NGEF: variants seen among roughly 807,000 people sequenced by gnomAD.
NGEF encodes neuronal guanine nucleotide exchange factor, also known as ephexin-1.
A neutral mutation model predicts 80.9 loss-of-function variants in NGEF; 31 were observed. The ratio of observed to expected loss-of-function variants is 0.38; its 90% CI spans 0.29 to 0.52. The LOEUF (loss-of-function observed/expected upper bound fraction) is 0.52. NGEF is among the 20% of genes least tolerant of loss of function. NGEF has a pLI of 0.84. For synonymous variants in NGEF, 371 were observed against 370.2 expected, an observed-to-expected ratio of 1.00 and a Z score of -0.03; for missense variants, 709 against 926.2, an observed-to-expected ratio of 0.77 and a Z score of 3.04.
At chr2:232,955,932 C>T (rs1693817288) in intron 3 of NGEF, among the ~76,000 whole-genome samples, 1 of 152,172 alleles carries the variant, frequency 6.6e-6, no homozygotes, top group African/African-American at 2.4e-5. Context: ...GAAGGGTTTG[C>T]ATCTTGGGCT....
Position 232,920,264 on chromosome 2 carries a change from C to T in NGEF, c.828+20G>A, listed in dbSNP as rs758640757. The T allele has an allele frequency of 1.6e-5, 26 of 1,600,234 alleles. No homozygotes were observed. The highest frequency in any genetic ancestry group is 2.2e-4 in the Middle Eastern group (1 of 4,632). On this transcript the variant is annotated intron_variant, in intron 5 of 14. Coordinates refer to ENST00000264051, the MANE Select transcript of NGEF (RefSeq NM_019850.3). ...CCCCGGTGTGCTGTGGGGGAGCCCC[C>T]GCCCCTCGGCGCCTGTTACCTCCTG... is the stretch of plus-strand genomic sequence containing the variant.
In NGEF at chr2:232,968,093, C is replaced by CTTTTTTTTTTTTTTTTTTTTTTTTTT. The variant is rs1274944227; in HGVS notation, c.383+2120_383+2121insAAAAAAAAAAAAAAAAAAAAAAAAAA. ...TTGCTGAGGGCAGAAACAGACCTGG[C>CTTTTTTTTTTTTTTTTTTTTTTTTTT]TTTTTTTTTTTTGAGACAAAGTTTC... On this transcript the variant is annotated intron_variant, in intron 3 of 14. Transcript: ENST00000264051. Among the ~76,000 whole-genome samples the CTTTTTTTTTTTTTTTTTTTTTTTTTT allele has an allele frequency of 2.4e-5, 3 of 125,782 alleles. 1 individual carries two copies. Among genetic ancestry groups the CTTTTTTTTTTTTTTTTTTTTTTTTTT allele is most frequent in the African/African-American group, 1.0e-4 (3 of 29,632 alleles). 82.5% of individuals were successfully genotyped at this position (125,782 alleles called of 152,430 possible).
Position 233,000,755 on chromosome 2 carries a change from G to A in NGEF, c.-75+12313C>T, listed in dbSNP as rs564796176. Among the ~76,000 whole-genome samples the A allele has an allele frequency of 1.4e-4, 18 of 124,466 alleles. No homozygotes were observed. The East Asian group carries it at 2.3e-3, about 16-fold the overall frequency. The allele number at this position is 124,466 out of a possible 152,430, so 81.7% of individuals were successfully genotyped here. A position where few individuals can be genotyped will look rare whatever the true frequency, so the allele number is the denominator to read the frequency against. On this transcript the variant is annotated intron_variant, in intron 1 of 14. Transcript: ENST00000264051. ...AGCTCGGGCGACAGAGCGAGACTCTGTCTCAAAAAAAAAAAAAAACGAAAA... is the reference window on the plus strand; with the variant it reads ...AGCTCGGGCGACAGAGCGAGACTCTATCTCAAAAAAAAAAAAAAACGAAAA...
intron 1 of NGEF, among the ~76,000 whole-genome samples, chr2:233,005,355 C>T (rs1037587234): frequency 1.3e-5 from 2 of 152,270 alleles, no homozygotes; most frequent in Middle Eastern, 6.8e-3. Flanking sequence ...AAACACAGGC[C>T]CTGAGCACCA....
At chr2:232,949,547 GGCTCACTGCAACGTCC>G (rs1693633448) in intron 3 of NGEF, among the ~76,000 whole-genome samples, 1 of 150,530 alleles carries the variant, frequency 6.6e-6, no homozygotes, top group South Asian at 2.1e-4. Flanking sequence ...GCGCGATCTC[GGCTCACTGCAACGTCC>G]GCCTCCCGGG....
intron 5 of NGEF, among the ~76,000 whole-genome samples, chr2:232,917,107 A>G (rs1237000095): frequency 6.6e-6 from 1 of 152,366 alleles, no homozygotes; most frequent in South Asian, 2.1e-4. Context: ...AAACCAGTGA[A>G]TTCTCAGTGG....
intron 3 of NGEF, among the ~76,000 whole-genome samples, chr2:232,962,892 A>G (rs1406174220): frequency 6.6e-6 from 1 of 151,936 alleles, no homozygotes; most frequent in Non-Finnish European, 1.5e-5. Flanking sequence ...AATTGTATAT[A>G]TTGTATACAA....
chr2:232,936,634 G>A (rs1206025923), intron 3 of NGEF, among the ~76,000 whole-genome samples: 5 of 152,170 alleles, frequency 3.3e-5, no homozygotes, highest in African/African-American at 7.2e-5. Flanking sequence ...TTGATGGTGC[G>A]CCACGCATGT....
intron 1 of NGEF, among the ~76,000 whole-genome samples, chr2:232,998,491 C>T (rs542773731): frequency 1.3e-5 from 2 of 152,308 alleles, no homozygotes; most frequent in African/African-American, 4.8e-5. Flanking sequence ...GAGCCAGAGG[C>T]CAGGACAAGG....
chr2:232,885,780 G>A (rs1691658378), intron 9 of NGEF, among the ~76,000 whole-genome samples: 1 of 152,156 alleles, frequency 6.6e-6, no homozygotes, highest in East Asian at 1.9e-4. Context: ...TCGTTCTGAA[G>A]GAAGACAATT....
intron 2 of NGEF, among the ~76,000 whole-genome samples, chr2:232,970,714 C>T (rs926738258): frequency 6.6e-6 from 1 of 151,614 alleles, no homozygotes; most frequent in African/African-American, 2.4e-5. Flanking sequence ...ACCTGGGAGG[C>T]TGAGGCAGAT....
intron 3 of NGEF, among the ~76,000 whole-genome samples, chr2:232,953,012 A>G (rs1409105845): frequency 7.6e-6 from 1 of 131,414 alleles, no homozygotes; most frequent in Non-Finnish European, 1.6e-5. Context: ...CAAAAAAGCA[A>G]AGTGATTGGG....
At chr2:232,907,379 A>T (rs146269032) in intron 5 of NGEF, among the ~76,000 whole-genome samples, 1 of 152,330 alleles carries the variant, frequency 6.6e-6, no homozygotes, top group African/African-American at 2.4e-5. Flanking sequence ...TTGTACTGGC[A>T]GTCCAAGTTG....
chr2:232,912,707 G>T (rs183477573), intron 5 of NGEF, among the ~76,000 whole-genome samples: 8 of 152,228 alleles, frequency 5.3e-5, no homozygotes, highest in Admixed American at 4.6e-4. Flanking sequence ...AGACTATTCA[G>T]GTTATTTATT....
chr2:232,887,510 G>A (rs527977453), intron 9 of NGEF, among the ~76,000 whole-genome samples: 3 of 152,324 alleles, frequency 2.0e-5, no homozygotes, highest in South Asian at 2.1e-4. Context: ...GGAGAGTGGC[G>A]TGGAGGGCTG....
chr2:232,927,972 C>T, intron 3 of NGEF: 1 of 1,291,448 alleles, frequency 7.7e-7, no homozygotes, highest in East Asian at 3.3e-5. Flanking sequence ...GCGCAGGCGG[C>T]GCTGAAGGCA....
chr2:232,894,587 G>A (rs1027322160), intron 6 of NGEF, 169 bp downstream of exon 6: 1 of 677,764 alleles, frequency 1.5e-6, no homozygotes, highest in African/African-American at 1.8e-5. Flanking sequence ...GCCAGAAGGG[G>A]TGGTGAGGTT....
intron 3 of NGEF, among the ~76,000 whole-genome samples, chr2:232,967,141 G>A (rs1306562441): frequency 1.3e-5 from 2 of 152,010 alleles, no homozygotes; most frequent in Admixed American, 1.3e-4. Flanking sequence ...GAGTTCTCAC[G>A]AGATCTGGAT....
chr2:232,902,898 G>C (rs760796170), intron 5 of NGEF, among the ~76,000 whole-genome samples: 1 of 152,230 alleles, frequency 6.6e-6, no homozygotes, highest in African/African-American at 2.4e-5. Flanking sequence ...GGAGGCTCAG[G>C]TGGAAGAATC....
Sources: allele counts gnomAD v4.1 joint callset (sites outside exome capture counted in the v4.1 genomes callset), GRCh38; gene constraint gnomAD v4.1.1; transcripts MANE v1.5; gene names NCBI Gene and HGNC (gene_info 2026-07-23, HGNC 2026-07-21).